Variants in GRM8 observed in about 807,000 individuals in gnomAD.
GRM8 encodes metabotropic glutamate receptor 8.
A neutral mutation model predicts 87.2 loss-of-function variants in GRM8; 47 were observed. That is an observed-to-expected ratio of 0.54 (90% confidence interval 0.43 to 0.69). The LOEUF (loss-of-function observed/expected upper bound fraction) is 0.69. Among genes scored for constraint, GRM8 ranks in the 30% least tolerant of loss-of-function variants. The pLI is 0.00. For missense variants in GRM8, 1,019 were observed against 1,139.2 expected (o/e 0.89, Z 1.52); for synonymous variants, 396 against 404.5 (o/e 0.98, Z 0.25).
chr7:126,670,291 A>G (rs1450830873), intron 7 of GRM8, among the ~76,000 whole-genome samples: 2 of 152,182 alleles, frequency 1.3e-5, no homozygotes, highest in Admixed American at 6.5e-5. Context: ...AAAGAGAGGT[A>G]AAAAGGATTA....
chr7:127,102,575 C>T (rs186501642), intron 3 of GRM8, among the ~76,000 whole-genome samples: 1 of 152,322 alleles, frequency 6.6e-6, no homozygotes, highest in East Asian at 1.9e-4. Context: ...ATTGCTCATG[C>T]CACTGCTCTG....
intron 6 of GRM8, among the ~76,000 whole-genome samples, chr7:126,847,333 A>T (rs1399913172): frequency 6.6e-6 from 1 of 152,216 alleles, no homozygotes; most frequent in East Asian, 1.9e-4. Context: ...CAGGTGGATG[A>T]TATACAAAGA....
At chr7:126,767,967 C>T (rs1372305251) in intron 7 of GRM8, among the ~76,000 whole-genome samples, 1 of 152,038 alleles carries the variant, frequency 6.6e-6, no homozygotes, top group Non-Finnish European at 1.5e-5. Context: ...AGACACAGCA[C>T]AGTTCTATTA....
chr7:126,965,382 T>C (rs1809745252), intron 3 of GRM8, among the ~76,000 whole-genome samples: 1 of 152,118 alleles, frequency 6.6e-6, no homozygotes, highest in Admixed American at 6.5e-5. Context: ...GGTCAGAAAG[T>C]ATTTATTAAG....
chr7:126,964,043 G>T (rs759426800), intron 3 of GRM8, among the ~76,000 whole-genome samples: 2 of 151,950 alleles, frequency 1.3e-5, no homozygotes, highest in Admixed American at 6.6e-5. Flanking sequence ...TTTGACAAAC[G>T]TGACAAAAAC....
chr7:126,647,748 AT>A (rs1194767482), intron 7 of GRM8, among the ~76,000 whole-genome samples: 1 of 151,974 alleles, frequency 6.6e-6, no homozygotes, highest in Non-Finnish European at 1.5e-5. Context: ...TTGTCCACTC[AT>A]TTCTCTCTGC....
intron 6 of GRM8, among the ~76,000 whole-genome samples, chr7:126,847,986 G>A (rs1796861627): frequency 6.6e-6 from 1 of 152,174 alleles, no homozygotes; most frequent in African/African-American, 2.4e-5. Flanking sequence ...ATGGAGAGGA[G>A]ATTACAAATG....
chr7:126,574,117 A>G (rs553758197), intron 8 of GRM8, among the ~76,000 whole-genome samples: 3 of 152,346 alleles, frequency 2.0e-5, no homozygotes, highest in African/African-American at 4.8e-5. Flanking sequence ...AACTTAAAAC[A>G]CCATTTTAAA....
intron 2 of GRM8, among the ~76,000 whole-genome samples, chr7:127,119,361 CTG>C: frequency 6.6e-6 from 1 of 152,258 alleles, no homozygotes; most frequent in East Asian, 1.9e-4. Flanking sequence ...TGGTGTGTGA[CTG>C]TAGTCCTAGC....
chr7:126,707,640 A>T (rs1258865037), intron 7 of GRM8, among the ~76,000 whole-genome samples: 2 of 152,204 alleles, frequency 1.3e-5, no homozygotes, highest in African/African-American at 4.8e-5. Flanking sequence ...GTCAACTGAT[A>T]CTCAACAATA....
intron 7 of GRM8, among the ~76,000 whole-genome samples, chr7:126,766,195 T>C (rs553887847): frequency 1.3e-5 from 2 of 151,874 alleles, no homozygotes; most frequent in Non-Finnish European, 2.9e-5. Context: ...CTGGTTACAA[T>C]GTGAGAAAGA....
intron 3 of GRM8, among the ~76,000 whole-genome samples, chr7:127,070,772 G>A (rs576104945): frequency 6.6e-6 from 1 of 152,244 alleles, no homozygotes; most frequent in East Asian, 1.9e-4. Context: ...TAAAGACGAT[G>A]AAACTTGGAA....
intron 3 of GRM8, among the ~76,000 whole-genome samples, chr7:126,911,710 G>A (rs969492178): frequency 2.6e-5 from 4 of 152,162 alleles, no homozygotes; most frequent in African/African-American, 9.7e-5. Context: ...GCTGGCTGTG[G>A]CCCAGTGACA....
intron 7 of GRM8, among the ~76,000 whole-genome samples, chr7:126,658,861 C>G (rs1406686720): frequency 6.6e-6 from 1 of 151,990 alleles, no homozygotes; most frequent in Non-Finnish European, 1.5e-5. Context: ...GGTGTTTTGC[C>G]TGGCCGCGCG....
chr7:126,825,743 A>C (rs1794707149), intron 6 of GRM8, among the ~76,000 whole-genome samples: 1 of 152,120 alleles, frequency 6.6e-6, no homozygotes, highest in Non-Finnish European at 1.5e-5. Flanking sequence ...ATTATACTTT[A>C]AGTTTTAGGG....
At chr7:127,208,765 G>A (rs1016437321) in intron 2 of GRM8, among the ~76,000 whole-genome samples, 2 of 152,120 alleles carry the variant, frequency 1.3e-5, no homozygotes, top group African/African-American at 4.8e-5. Flanking sequence ...CACTTGATGT[G>A]ATCTAGCATT....
At chr7:126,968,991 C>T (rs1377227629) in intron 3 of GRM8, among the ~76,000 whole-genome samples, 2 of 152,098 alleles carry the variant, frequency 1.3e-5, no homozygotes, top group Non-Finnish European at 2.9e-5. Context: ...TTTTTATTTC[C>T]TAGTGCATAT....
At chr7:126,682,303 C>A (rs925059048) in intron 7 of GRM8, among the ~76,000 whole-genome samples, 3 of 152,172 alleles carry the variant, frequency 2.0e-5, no homozygotes, top group Admixed American at 6.5e-5. Context: ...GGAGAGTGAG[C>A]AACTAATAAT....
At chr7:126,587,587 C>A (rs1306400377) in intron 8 of GRM8, among the ~76,000 whole-genome samples, 1 of 150,826 alleles carries the variant, frequency 6.6e-6, no homozygotes, top group African/African-American at 2.4e-5. Flanking sequence ...ACAAAAAAAC[C>A]AAACACCGCA....
Sources: allele counts gnomAD v4.1 joint callset (sites outside exome capture counted in the v4.1 genomes callset), GRCh38; gene constraint gnomAD v4.1.1; transcripts MANE v1.5; gene names NCBI Gene and HGNC (gene_info 2026-07-23, HGNC 2026-07-21).